Variants in KIRREL3 observed in about 807,000 individuals in gnomAD.
The protein encoded by KIRREL3 is kin of IRRE-like protein 3.
A neutral mutation model predicts 89.7 loss-of-function variants in KIRREL3; 36 were observed. The observed-to-expected ratio is 0.40, with a 90% confidence interval of 0.31 to 0.53. The LOEUF (loss-of-function observed/expected upper bound fraction) is 0.53. Ranked by LOEUF, KIRREL3 falls within the 20% of genes least tolerant of loss-of-function variation. The pLI, the probability that KIRREL3 is intolerant of heterozygous loss-of-function variation, is 0.49. For synonymous variants in KIRREL3, 445 were observed against 441.4 expected, an observed-to-expected ratio of 1.01 and a Z score of -0.10; for missense variants, 864 against 1,056.6, an observed-to-expected ratio of 0.82 and a Z score of 2.53.
intron 1 of KIRREL3, among the ~76,000 whole-genome samples, chr11:126,986,268 A>C (rs1023494803): frequency 6.6e-6 from 1 of 152,124 alleles, no homozygotes; most frequent in Non-Finnish European, 1.5e-5. Flanking sequence ...TTTTTTTATG[A>C]ATTGAAAAAT....
At chr11:126,821,972 C>T (rs1017542021) in intron 1 of KIRREL3, among the ~76,000 whole-genome samples, 3 of 152,100 alleles carry the variant, frequency 2.0e-5, no homozygotes, top group Non-Finnish European at 2.9e-5. Flanking sequence ...TTTGGACTTC[C>T]GACCTCCAGA....
chr11:126,604,100 AT>A (rs1942782785), intron 1 of KIRREL3, among the ~76,000 whole-genome samples: 1 of 152,000 alleles, frequency 6.6e-6, no homozygotes, highest in Non-Finnish European at 1.5e-5. Flanking sequence ...ATTCAGTAAT[AT>A]TTACTGATAA....
At chr11:126,448,602 C>G (rs1767788370) in intron 8 of KIRREL3, among the ~76,000 whole-genome samples, 1 of 152,200 alleles carries the variant, frequency 6.6e-6, no homozygotes, top group Admixed American at 6.5e-5. Context: ...GAGTGGAGCC[C>G]TCGTGATGAG....
At position 127,000,197 on chromosome 11, in the gene KIRREL3, G is replaced by C. The variant is rs974990779; in HGVS notation, c.55+258C>G. Among the ~76,000 whole-genome samples the C allele has an allele frequency of 6.6e-6, 1 of 152,188 alleles. No individual in the cohort carries two copies. Among genetic ancestry groups the C allele is most frequent in the African/African-American group, 2.4e-5 (1 of 41,436 alleles). On this transcript the variant is annotated intron_variant, in intron 1 of 16. Coordinates refer to ENST00000525144, the MANE Select transcript of KIRREL3 (RefSeq NM_032531.4). The surrounding 1 kb of genome is among the most constrained non-coding windows in gnomAD (Gnocchi z 7.1). ...AGAACTCATTTGCATTGGAGAGTTT[G>C]AGCTGGATATTGACAAGTGAGAGGA... is the stretch of plus-strand genomic sequence containing the variant.
At position 126,808,598 on chromosome 11, in the gene KIRREL3, A is replaced by G. The variant is rs903583527; in HGVS notation, c.55+191857T>C. 2.0e-5 allele frequency among the ~76,000 whole-genome samples: 3 copies of G among 152,216 alleles called. No homozygotes were observed. The highest frequency in any genetic ancestry group is 4.4e-5 in the Non-Finnish European group (3 of 68,036). ...CAATTTTAATTGTAACAACAGAAAC[A>G]TCAGCAGCAAAATGGAGCCAAATGG... On this transcript the variant is annotated intron_variant, in intron 1 of 16. Transcript: ENST00000525144. The surrounding 1 kb of genome is among the most constrained non-coding windows in gnomAD (Gnocchi z 4.1).
intron 4 of KIRREL3, among the ~76,000 whole-genome samples, chr11:126,503,785 C>T (rs922526146): frequency 6.6e-6 from 1 of 151,590 alleles, no homozygotes; most frequent in Non-Finnish European, 1.5e-5. Flanking sequence ...CTCTTTCCCT[C>T]CCTCTCCTTC....
In KIRREL3 at chr11:126,734,390, G is replaced by A. The variant is rs1267340792; in HGVS notation, c.56-171478C>T. ...TTACTTAAGAAATATTTGGCCAGGC[G>A]CGGTGGCTCATGCATGTAATCCCAG... On this transcript the variant is annotated intron_variant, in intron 1 of 16. Transcript: ENST00000525144. The surrounding 1 kb of genome is among the most constrained non-coding windows in gnomAD (Gnocchi z 5.9). 1.3e-5 allele frequency among the ~76,000 whole-genome samples: 2 copies of A among 152,120 alleles called. No individual in the cohort carries two copies. Among genetic ancestry groups the A allele is most frequent in the Non-Finnish European group, 2.9e-5 (2 of 68,024 alleles).
At chr11:126,613,230 A>G (rs929565335) in intron 1 of KIRREL3, among the ~76,000 whole-genome samples, 1 of 152,228 alleles carries the variant, frequency 6.6e-6, no homozygotes, top group African/African-American at 2.4e-5. Flanking sequence ...CAGGGGTCCC[A>G]GAACCATCAG....
chr11:126,745,385 A>G (rs572168145), intron 1 of KIRREL3, among the ~76,000 whole-genome samples: 2 of 152,338 alleles, frequency 1.3e-5, no homozygotes, highest in South Asian at 4.1e-4. Flanking sequence ...AACATCTGAA[A>G]AAAAAAGACA....
chr11:126,442,273 CA>C lies in KIRREL3; in HGVS notation c.1253-1725del, dbSNP rs796585931. Among the ~76,000 whole-genome samples, 317 of 51,218 alleles carry C rather than the reference CA, an allele frequency of 6.2e-3. 17 individuals are homozygous for C. Among genetic ancestry groups the C allele is most frequent in the Admixed American group, 0.013 (53 of 4,182 alleles). 33.6% of individuals were successfully genotyped at this position (51,218 alleles called of 152,430 possible). On this transcript the variant is annotated intron_variant, in intron 10 of 16. Coordinates refer to ENST00000525144, the MANE Select transcript of KIRREL3 (RefSeq NM_032531.4). ...GAGACTCCAGCTCAAAAAAAAAAAA[CA>C]AAAAAAAAACAAAAAACCCAACATG...
chr11:126,775,849 G>A (rs183007397), intron 1 of KIRREL3, among the ~76,000 whole-genome samples: 72 of 152,270 alleles, frequency 4.7e-4, no homozygotes, highest in Non-Finnish European at 7.8e-4. Flanking sequence ...ATCCAAGCAT[G>A]GGCTCTTCCA....
intron 1 of KIRREL3, among the ~76,000 whole-genome samples, chr11:126,716,050 T>G (rs1592009068): frequency 3.4e-5 from 5 of 145,726 alleles, no homozygotes; most frequent in African/African-American, 7.7e-5. Context: ...GACAGGGAGG[T>G]GAGGGGGAAT....
chr11:126,662,292 A>T (rs750116749), intron 1 of KIRREL3, among the ~76,000 whole-genome samples: 2 of 152,230 alleles, frequency 1.3e-5, no homozygotes, highest in Non-Finnish European at 2.9e-5. Context: ...GAGTCTGCCC[A>T]TTGACCATCA....
Position 126,587,004 on chromosome 11 carries a change from G to A in KIRREL3, c.56-24092C>T, listed in dbSNP as rs1236997689. 6.6e-6 allele frequency among the ~76,000 whole-genome samples: 1 copy of A among 152,158 alleles called. No individual in the cohort carries two copies. The highest frequency in any genetic ancestry group is 1.5e-5 in the Non-Finnish European group (1 of 68,038). ...TGAACACTTACTATGGCTAAGCATG[G>A]GGGCACAACTGTAAACCAGAGAGAG... On this transcript the variant is annotated intron_variant, in intron 1 of 16. Transcript: ENST00000525144. This position sits in a 1 kb window ranked among gnomAD's most constrained non-coding sequence, Gnocchi z 5.2.
At chr11:126,998,559 A>T (rs1342223628) in intron 1 of KIRREL3, among the ~76,000 whole-genome samples, 1 of 152,170 alleles carries the variant, frequency 6.6e-6, no homozygotes, top group Non-Finnish European at 1.5e-5. Flanking sequence ...CGCTCTCAGG[A>T]CTCGGGGTAG....
In KIRREL3 at chr11:127,000,482, AGAGCAGATC is replaced by A; in HGVS notation, c.19_27del (p.Asp7_Leu9del). 6.2e-7 allele frequency: 1 copy of A among 1,608,744 alleles called. No individual in the cohort carries two copies. Among genetic ancestry groups the A allele is most frequent in the Non-Finnish European group, 8.5e-7 (1 of 1,177,604 alleles). On this transcript the variant is annotated inframe_deletion, in exon 1 of 17. Coordinates refer to ENST00000525144, the MANE Select transcript of KIRREL3 (RefSeq NM_032531.4). The surrounding 1 kb of genome is among the most constrained non-coding windows in gnomAD (Gnocchi z 7.1). ...TGACTGAAGAGGAAGAAGCAGACGA[AGAGCAGATC>A]GAGCTGGAAGGGTTTCATTCCTTAG...
In KIRREL3 at chr11:126,627,235, A is replaced by T. The variant is rs1943829363; in HGVS notation, c.56-64323T>A. Among the ~76,000 whole-genome samples the T allele has an allele frequency of 6.6e-6, 1 of 152,180 alleles. No homozygotes were observed. Among genetic ancestry groups the T allele is most frequent in the Non-Finnish European group, 1.5e-5 (1 of 68,030 alleles). The stretch of plus-strand genomic sequence containing the variant: ...AAAGAGCCAGGGCACAGAGTGTGAA[A>T]GGGACCTATTTGGGAGAGGTGGCTG... On this transcript the variant is annotated intron_variant, in intron 1 of 16. Coordinates refer to ENST00000525144, the MANE Select transcript of KIRREL3 (RefSeq NM_032531.4). The surrounding 1 kb of genome is among the most constrained non-coding windows in gnomAD (Gnocchi z 5.0).
rs567400806 is a variant in KIRREL3 at position 126,623,954 on chromosome 11, T to G, written c.56-61042A>C. On this transcript the variant is annotated intron_variant, in intron 1 of 16. Coordinates refer to ENST00000525144, the MANE Select transcript of KIRREL3 (RefSeq NM_032531.4). This position sits in a 1 kb window ranked among gnomAD's most constrained non-coding sequence, Gnocchi z 4.1. ...ACGGTGAGCAGTTTTGTGAATTCTGTGAATTACCCTTGAACTGGTCAGAAA... is the reference window on the plus strand; with the variant it reads ...ACGGTGAGCAGTTTTGTGAATTCTGGGAATTACCCTTGAACTGGTCAGAAA... 6.6e-6 allele frequency among the ~76,000 whole-genome samples: 1 copy of G among 152,226 alleles called. No homozygotes were observed. Among genetic ancestry groups the G allele is most frequent in the South Asian group, 2.1e-4 (1 of 4,814 alleles).
intron 1 of KIRREL3, among the ~76,000 whole-genome samples, chr11:126,952,268 C>A (rs1948795600): frequency 6.6e-6 from 1 of 152,104 alleles, no homozygotes; most frequent in South Asian, 2.1e-4. Context: ...TGCCTGTAAT[C>A]CCAGCTACTA....
Sources: gnomAD v4.1 joint callset for allele counts (sites outside exome capture counted in the v4.1 genomes callset) on GRCh38, gnomAD v4.1.1 for gene constraint, Gnocchi (gnomAD v3.1) non-coding constraint, MANE v1.5 for transcripts, NCBI Gene and HGNC (gene_info 2026-07-23, HGNC 2026-07-21) for gene names.